The following RAI2 variants were observed in gnomAD, a reference collection of about 807,000 sequenced individuals.
RAI2 encodes retinoic acid induced 2.
In RAI2, 5 loss-of-function variants were observed where a neutral mutation model predicts 15.3. That is an observed-to-expected ratio of 0.33 (90% confidence interval 0.17 to 0.69). The LOEUF is 0.69. Ranked by LOEUF, RAI2 falls within the 30% of genes least tolerant of loss-of-function variation. The probability of loss-of-function intolerance (pLI) is 0.69; values close to 1 mark genes in which losing one functional copy is unlikely to be tolerated. For synonymous variants in RAI2, 191 were observed against 184.0 expected, an observed-to-expected ratio of 1.04 and a Z score of -0.31; for missense variants, 424 against 424.7, an observed-to-expected ratio of 1.00 and a Z score of 0.01.
At chrX:17,808,885 A>T (rs774465177) in intron 1 of RAI2, among the ~76,000 whole-genome samples, 3 of 112,671 alleles carry the variant, frequency 2.7e-5, no homozygotes, top group Non-Finnish European at 5.6e-5. Flanking sequence ...AATTTTCATC[A>T]TTTAATTCTA....
At chrX:17,860,733 C>T (rs1200128008) in intron 1 of RAI2, 1 of 110,869 alleles carries the variant, frequency 9.0e-6, no homozygotes, top group East Asian at 2.9e-4. Flanking sequence ...CCGTGCACCG[C>T]CCTCTGCGCC....
At position 17,800,119 on chromosome X, in the gene RAI2, T is replaced by A. The variant is rs2066883400; in HGVS notation, c.*299A>T. ...ATTAGGTATTACATCATCAAAGCAC[T>A]TTGTGGCAATGAAAATAGCTTTTTT... On this transcript the variant is annotated 3_prime_UTR_variant, in exon 2 of 2. Coordinates refer to ENST00000451717, the MANE Select transcript of RAI2 (RefSeq NM_021785.6). The A allele has an allele frequency of 3.9e-6, 1 of 255,312 alleles. No individual in the cohort carries two copies. The allele number at this position is 255,312 out of a possible 1,213,427, so 21.0% of individuals were successfully genotyped here.
In RAI2 at chrX:17,800,848, G is replaced by A. The variant is rs867376006; in HGVS notation, c.1163C>T (p.Pro388Leu). 1 of 1,211,535 alleles carries A rather than the reference G, an allele frequency of 8.3e-7. No homozygotes were observed. Among genetic ancestry groups the A allele is most frequent in the Admixed American group, 2.2e-5 (1 of 46,015 alleles). ...LPSGMEISFA[P>L]ATSHEAPAMM... ...GGCTGGGGCCTCATGGGACGTGGCAGGGGCAAAAGAAATTTCCATGCCACT... is the reference window on the plus strand; with the variant it reads ...GGCTGGGGCCTCATGGGACGTGGCAAGGGCAAAAGAAATTTCCATGCCACT... Residue 388 changes from proline (P) to leucine (L), a missense_variant, in exon 2 of 2, where the codon CCT (proline) becomes CTT (leucine). By Grantham distance (98) the Pro-to-Leu change is moderately conservative. Transcript: ENST00000451717.
chrX:17,812,196 G>A (rs952676581), intron 1 of RAI2, among the ~76,000 whole-genome samples: 2 of 110,559 alleles, frequency 1.8e-5, no homozygotes, highest in Non-Finnish European at 3.8e-5. Flanking sequence ...CAGATCCACC[G>A]GCCATATTTC....
chrX:17,801,431 A>G lies in RAI2; in HGVS notation c.580T>C (p.Ser194Pro), dbSNP rs1249553397. ...GGTGGGGGCCCGAGAGTGCCCTGGG[A>G]GGGAAACAAATTCTGGAGCACAGCT... is the stretch of plus-strand genomic sequence containing the variant. Reference protein sequence around the residue: ...FEAVLQNLFPSQGTLGPPPCQ... With the variant: ...FEAVLQNLFPPQGTLGPPPCQ... Residue 194 changes from serine (S) to proline (P), a missense_variant, in exon 2 of 2, where the codon TCC (serine) becomes CCC (proline). Ser to Pro is a moderately conservative substitution (Grantham distance 74). Transcript: ENST00000451717. 8.6e-7 allele frequency: 1 copy of G among 1,159,582 alleles called. No individual in the cohort carries two copies. The highest frequency in any genetic ancestry group is 2.6e-5 in the Admixed American group (1 of 38,622).
chrX:17,858,113 G>A (rs2067638906), intron 1 of RAI2, among the ~76,000 whole-genome samples: 1 of 111,760 alleles, frequency 8.9e-6, no homozygotes, highest in Admixed American at 9.5e-5. Flanking sequence ...ACGTCTATGT[G>A]AGATGGGAAA....
intron 1 of RAI2, among the ~76,000 whole-genome samples, chrX:17,842,143 G>A (rs1424874998): frequency 9.0e-6 from 1 of 111,436 alleles, no homozygotes; most frequent in Non-Finnish European, 1.9e-5. Flanking sequence ...GAAGACACTC[G>A]TCCCATTATG....
At position 17,802,024 on chromosome X, in the gene RAI2, T is replaced by C; in HGVS notation, c.-14A>G. On this transcript the variant is annotated 5_prime_UTR_variant, in exon 2 of 2. Transcript: ENST00000451717. ...CAGGTCGTCCATCACTCAGCTCTGA[T>C]GCCACTTGGCCTGCAACACAGAACA... The C allele has an allele frequency of 8.5e-7, 1 of 1,183,162 alleles. No homozygotes were observed.
rs143169178 is a variant in RAI2, at chrX:17,852,486, G to T, written c.-25+8612C>A. 9.2e-4 allele frequency among the ~76,000 whole-genome samples: 103 copies of T among 111,963 alleles called. 1 individual carries two copies. In the East Asian group the frequency reaches 0.027, roughly 29 times the overall value. Reference sequence around the variant, plus strand: ...CCCCTGCTCCCATATCACTCTCAGAGGCTGGCAGGGGAGGGCTAACTGGGG... The same window carrying T: ...CCCCTGCTCCCATATCACTCTCAGATGCTGGCAGGGGAGGGCTAACTGGGG... On this transcript the variant is annotated intron_variant, in intron 1 of 1. Coordinates refer to ENST00000451717, the MANE Select transcript of RAI2 (RefSeq NM_021785.6).
intron 1 of RAI2, among the ~76,000 whole-genome samples, chrX:17,855,108 T>C (rs903469294): frequency 3.6e-5 from 4 of 112,241 alleles, no homozygotes; most frequent in Admixed American, 9.4e-5. Flanking sequence ...TGTGCTATGG[T>C]TGTGTGAAAT....
At chrX:17,802,267 G>C (rs184114040) in intron 1 of RAI2, among the ~76,000 whole-genome samples, 3 of 112,217 alleles carry the variant, frequency 2.7e-5, no homozygotes, top group African/African-American at 9.7e-5. Context: ...TATAAATGCA[G>C]ATGATGTAAT....
At chrX:17,802,477 C>G (rs2066926226) in intron 1 of RAI2, among the ~76,000 whole-genome samples, 1 of 112,561 alleles carries the variant, frequency 8.9e-6, no homozygotes, top group Admixed American at 9.3e-5. Flanking sequence ...TGCCTTGTCA[C>G]ATGTGAATAT....
chrX:17,846,132 CT>C (rs781158058), intron 1 of RAI2, among the ~76,000 whole-genome samples: 18 of 111,746 alleles, frequency 1.6e-4, no homozygotes, highest in Non-Finnish European at 3.2e-4. Context: ...TCCCAAGCTC[CT>C]TTTCTTCTCT....
chrX:17,815,335 A>G (rs1337305870), intron 1 of RAI2, among the ~76,000 whole-genome samples: 1 of 89,029 alleles, frequency 1.1e-5, no homozygotes, highest in Non-Finnish European at 2.6e-5. Flanking sequence ...ACACACACAC[A>G]CACACACACA....
intron 1 of RAI2, among the ~76,000 whole-genome samples, chrX:17,820,640 C>T (rs951801765): frequency 1.3e-4 from 14 of 111,886 alleles, no homozygotes; most frequent in African/African-American, 4.6e-4. Flanking sequence ...CAAGCCTGCA[C>T]ACATATCCTG....
intron 1 of RAI2, among the ~76,000 whole-genome samples, chrX:17,813,136 T>C (rs2067067447): frequency 8.9e-6 from 1 of 111,766 alleles, no homozygotes; most frequent in Admixed American, 9.5e-5. Flanking sequence ...ACTTCTCCTA[T>C]GCCTCTAAAA....
At chrX:17,809,496 T>A (rs1309558151) in intron 1 of RAI2, among the ~76,000 whole-genome samples, 1 of 112,138 alleles carries the variant, frequency 8.9e-6, no homozygotes, top group African/African-American at 3.2e-5. Context: ...AACTTATTTA[T>A]GTTTGTTTTA....
Position 17,838,640 on chromosome X carries a change from AACACACAC to A in RAI2, c.-25+22450_-25+22457del, listed in dbSNP as rs939115482. ...GGGGAATTTAATCAGGACCGCCTCA[AACACACAC>A]ACACACACAGCACACACACACACAC... is the stretch of plus-strand genomic sequence containing the variant. On this transcript the variant is annotated intron_variant, in intron 1 of 1. Transcript: ENST00000451717. Among the ~76,000 whole-genome samples, 591 of 98,202 alleles carry A rather than the reference AACACACAC, an allele frequency of 6.0e-3. 5 individuals carry two copies. The highest frequency in any genetic ancestry group is 0.023 in the African/African-American group (559 of 24,379). 85.3% of individuals were successfully genotyped at this position (98,202 alleles called of 115,157 possible).
At chrX:17,812,932 TGA>T (rs2067065628) in intron 1 of RAI2, among the ~76,000 whole-genome samples, 1 of 111,652 alleles carries the variant, frequency 9.0e-6, no homozygotes, top group African/African-American at 3.3e-5. Context: ...AAACACTGAA[TGA>T]GAGTTACTTA....
Sources: gnomAD v4.1 joint callset for allele counts (sites outside exome capture counted in the v4.1 genomes callset) on GRCh38, gnomAD v4.1.1 for gene constraint, MANE v1.5 for transcripts, NCBI Gene and HGNC (gene_info 2026-07-23, HGNC 2026-07-21) for gene names.